PTPRN2: variants seen among roughly 807,000 people sequenced by gnomAD.
The protein encoded by PTPRN2 is protein tyrosine phosphatase receptor type N2, also known as receptor-type tyrosine-protein phosphatase N2.
Under a neutral mutation model 118.8 loss-of-function variants are expected in PTPRN2, and 74 were observed. The observed-to-expected ratio is 0.62, with a 90% confidence interval of 0.52 to 0.76. The LOEUF is 0.76. PTPRN2 is among the 30% of genes least tolerant of loss of function. The pLI is 0.00. For missense variants in PTPRN2, 1,481 were observed against 1,394.4 expected (o/e 1.06, Z -0.99); for synonymous variants, 641 against 608.0 (o/e 1.05, Z -0.80).
chr7:158,337,544 C>A lies in PTPRN2; in HGVS notation c.164-20612G>T, dbSNP rs867776572. Reference sequence around the variant, plus strand: ...CATAAGAGGTGACACCTGCAGACGTCATTCACACCCACACTCTCACCATAA... The same window carrying A: ...CATAAGAGGTGACACCTGCAGACGTAATTCACACCCACACTCTCACCATAA... On this transcript the variant is annotated intron_variant, in intron 2 of 22. Transcript: ENST00000389418. 1.4e-3 allele frequency among the ~76,000 whole-genome samples: 196 copies of A among 138,572 alleles called. 1 individual carries two copies. The highest frequency in any genetic ancestry group is 7.3e-3 in the Middle Eastern group (2 of 274). The allele number at this position is 138,572 out of a possible 152,430, so 90.9% of individuals were successfully genotyped here. A position where few individuals can be genotyped will look rare whatever the true frequency, so the allele number is the denominator to read the frequency against.
chr7:157,901,475 C>T (rs1425431531), intron 11 of PTPRN2, among the ~76,000 whole-genome samples: 10 of 152,140 alleles, frequency 6.6e-5, no homozygotes, highest in South Asian at 2.1e-4. Flanking sequence ...TCAAGGGTGC[C>T]GATGACAGTA....
intron 21 of PTPRN2, among the ~76,000 whole-genome samples, chr7:157,551,272 G>A (rs1161695562): frequency 6.6e-6 from 1 of 152,100 alleles, no homozygotes; most frequent in Non-Finnish European, 1.5e-5. Flanking sequence ...CCTTTGGTAG[G>A]AGCTGTGGCT....
intron 3 of PTPRN2, among the ~76,000 whole-genome samples, chr7:158,242,933 A>T (rs1795980635): frequency 6.6e-6 from 1 of 152,132 alleles, no homozygotes; most frequent in African/African-American, 2.4e-5. Flanking sequence ...CTAGCTGAAG[A>T]TCTGTCCATT....
chr7:158,366,586 T>A (rs1173815982), intron 2 of PTPRN2, among the ~76,000 whole-genome samples: 2 of 152,172 alleles, frequency 1.3e-5, no homozygotes, highest in Non-Finnish European at 2.9e-5. Flanking sequence ...GCGCCTTGTT[T>A]CCCCGAACGC....
At chr7:158,007,662 ACAGT>A (rs776180403) in intron 11 of PTPRN2, among the ~76,000 whole-genome samples, 52 of 152,290 alleles carry the variant, frequency 3.4e-4, no homozygotes, top group Non-Finnish European at 6.0e-4. Context: ...GAAAAGTATC[ACAGT>A]CAGCCTGGTC....
In PTPRN2 at chr7:158,544,751, G is replaced by A. The variant is rs1438469520; in HGVS notation, c.112+42807C>T. Among the ~76,000 whole-genome samples the A allele has an allele frequency of 5.3e-5, 8 of 152,136 alleles. No homozygotes were observed. Among genetic ancestry groups the A allele is most frequent in the East Asian group, 1.9e-4 (1 of 5,200 alleles). On this transcript the variant is annotated intron_variant, in intron 1 of 22. Transcript: ENST00000389418. The surrounding 1 kb of genome is among the most constrained non-coding windows in gnomAD (Gnocchi z 4.2). ...GATAATTCTTATTCCAGTGTAACCC[G>A]GGGATACCAAAAGATTGGGTGCCCC...
chr7:158,567,541 C>T (rs1295991979), intron 1 of PTPRN2, among the ~76,000 whole-genome samples: 4 of 152,222 alleles, frequency 2.6e-5, no homozygotes, highest in African/African-American at 4.8e-5. Flanking sequence ...CCACGTGCTA[C>T]GCCCAGGCTG....
chr7:157,900,405 A>T (rs1404102482), intron 11 of PTPRN2, among the ~76,000 whole-genome samples: 1 of 152,184 alleles, frequency 6.6e-6, no homozygotes, highest in Admixed American at 6.5e-5. Context: ...CATTCTCCAC[A>T]CTGTGCCCAG....
intron 2 of PTPRN2, among the ~76,000 whole-genome samples, chr7:158,351,553 C>T (rs1163274960): frequency 6.6e-6 from 1 of 152,146 alleles, no homozygotes. Flanking sequence ...ACTTTAGCCC[C>T]GCGTTTCTTA....
In PTPRN2 at chr7:158,574,318, A is replaced by G. The variant is rs1041656112; in HGVS notation, c.112+13240T>C. ...GAAGTTTTTGTATCTTCAGCAAAAT[A>G]TTTTAATCATTAGTGATGTTTAATT... On this transcript the variant is annotated intron_variant, in intron 1 of 22. Transcript: ENST00000389418. This position sits in a 1 kb window ranked among gnomAD's most constrained non-coding sequence, Gnocchi z 4.6. 1.3e-5 allele frequency among the ~76,000 whole-genome samples: 2 copies of G among 152,246 alleles called. No homozygotes were observed. Among genetic ancestry groups the G allele is most frequent in the Non-Finnish European group, 2.9e-5 (2 of 68,040 alleles).
At chr7:158,301,621 T>C (rs866438182) in intron 3 of PTPRN2, among the ~76,000 whole-genome samples, 1 of 152,162 alleles carries the variant, frequency 6.6e-6, no homozygotes, top group South Asian at 2.1e-4. Flanking sequence ...TTCCTGAGGA[T>C]TTAATGAGTG....
At chr7:158,343,839 G>A (rs1034445757) in intron 2 of PTPRN2, among the ~76,000 whole-genome samples, 5 of 152,296 alleles carry the variant, frequency 3.3e-5, no homozygotes, top group East Asian at 1.9e-4. Context: ...GGGCTGTCGC[G>A]GCTGCTCCCA....
At chr7:158,154,386 T>G (rs1386240067) in intron 6 of PTPRN2, among the ~76,000 whole-genome samples, 1 of 152,230 alleles carries the variant, frequency 6.6e-6, no homozygotes, top group Non-Finnish European at 1.5e-5. Context: ...TGTTGTCTAC[T>G]ACCTGCTAAT....
rs75482412 is a variant in PTPRN2 at position 158,142,686 on chromosome 7, C to T, written c.911-4171G>A. Among the ~76,000 whole-genome samples, 1,062 of 152,304 alleles carry T rather than the reference C, an allele frequency of 7.0e-3. 19 individuals are homozygous for T. Among genetic ancestry groups the T allele is most frequent in the African/African-American group, 0.024 (996 of 41,572 alleles). ...CCATGCATTCACTGATGGAATGCTA[C>T]CTTCAAAGAAAGCTTCCAGCAACAA... On this transcript the variant is annotated intron_variant, in intron 6 of 22. Coordinates refer to ENST00000389418, the MANE Select transcript of PTPRN2 (RefSeq NM_002847.5).
intron 5 of PTPRN2, among the ~76,000 whole-genome samples, chr7:158,171,294 C>CATATACACACAT (rs1823627690): frequency 3.2e-5 from 2 of 62,156 alleles, no homozygotes; most frequent in Non-Finnish European, 5.7e-5. Context: ...TATATACACA[C>CATATACACACAT]ATATATATAC....
chr7:157,856,844 T>C lies in PTPRN2; in HGVS notation c.1788+41829A>G, dbSNP rs79803493. Among the ~76,000 whole-genome samples, 1,084 of 152,308 alleles carry C rather than the reference T, an allele frequency of 7.1e-3. 14 individuals carry two copies. Among genetic ancestry groups the C allele is most frequent in the African/African-American group, 0.025 (1,043 of 41,556 alleles). On this transcript the variant is annotated intron_variant, in intron 12 of 22. Transcript: ENST00000389418. ...CCAATTTTTAAAACTTTTTTTGACC[T>C]GTTAAGTATTGCTTAGCAATGAGTG...
intron 2 of PTPRN2, among the ~76,000 whole-genome samples, chr7:158,354,232 A>G (rs1198795391): frequency 6.6e-6 from 1 of 152,206 alleles, no homozygotes; most frequent in Non-Finnish European, 1.5e-5. Context: ...TTAAGCAAAC[A>G]TACCCCAGAA....
At chr7:158,396,702 G>A (rs920571403) in intron 2 of PTPRN2, among the ~76,000 whole-genome samples, 1 of 152,126 alleles carries the variant, frequency 6.6e-6, no homozygotes, top group Non-Finnish European at 1.5e-5. Flanking sequence ...GTTTGTGTGT[G>A]CACATGTGTG....
At chr7:157,952,487 C>T (rs1401706219) in intron 11 of PTPRN2, among the ~76,000 whole-genome samples, 10 of 144,800 alleles carry the variant, frequency 6.9e-5, no homozygotes, top group African/African-American at 2.0e-4. Flanking sequence ...GGGAGACAGG[C>T]GAGGGTGGGG....
Sources: gnomAD v4.1 joint callset for allele counts (sites outside exome capture counted in the v4.1 genomes callset) on GRCh38, gnomAD v4.1.1 for gene constraint, Gnocchi (gnomAD v3.1) non-coding constraint, MANE v1.5 for transcripts, NCBI Gene and HGNC (gene_info 2026-07-23, HGNC 2026-07-21) for gene names.